PCDH11X: variants seen among roughly 807,000 people sequenced by gnomAD.
PCDH11X encodes the protein protocadherin-11 X-linked.
Under a neutral mutation model 53.3 loss-of-function variants are expected in PCDH11X, and 18 were observed. The ratio of observed to expected loss-of-function variants is 0.34; its 90% CI spans 0.23 to 0.50. The LOEUF (loss-of-function observed/expected upper bound fraction) is 0.50, where lower values mean the gene tolerates loss of function less well. Ranked by LOEUF, PCDH11X falls within the 20% of genes least tolerant of loss-of-function variation. PCDH11X has a pLI of 0.98. For missense variants in PCDH11X, 570 were observed against 1,032.4 expected, an observed-to-expected ratio of 0.55 and a Z score of 6.14; for synonymous variants, 279 against 393.3, an observed-to-expected ratio of 0.71 and a Z score of 3.44.
At chrX:92,206,080 A>G (rs1001589647) in intron 7 of PCDH11X, among the ~76,000 whole-genome samples, 11 of 111,759 alleles carry the variant, frequency 9.8e-5, no homozygotes, top group African/African-American at 3.6e-4. Context: ...TTTCTTGAAG[A>G]TCTTTTTAAA....
rs752786142 is a variant in PCDH11X, at chrX:92,524,858, G to T, written c.3367+56536G>T. ...AGTAATACCTAAAATTTAGTACAGG[G>T]CATGTGCTTGTGTCTCTAATCAGGA... On this transcript the variant is annotated intron_variant, in intron 10 of 10. Transcript: ENST00000682573. Among the ~76,000 whole-genome samples, 9 of 111,224 alleles carry T rather than the reference G, an allele frequency of 8.1e-5. No individual in the cohort carries two copies. In the East Asian group the frequency reaches 2.6e-3, roughly 32 times the overall value.
At chrX:92,410,632 A>G (rs759725789) in intron 9 of PCDH11X, among the ~76,000 whole-genome samples, 154 of 101,395 alleles carry the variant, frequency 1.5e-3, no homozygotes, top group African/African-American at 6.0e-3. Context: ...GATTATCATT[A>G]GTTTTTGCTG....
chrX:91,982,357 G>A (rs1005134988), intron 6 of PCDH11X, among the ~76,000 whole-genome samples: 100 of 108,830 alleles, frequency 9.2e-4, no homozygotes, highest in African/African-American at 1.4e-3. Flanking sequence ...CTTACAAAGC[G>A]CCTACATATT....
chrX:92,412,532 T>TAG (rs776550665), intron 9 of PCDH11X, among the ~76,000 whole-genome samples: 19 of 87,158 alleles, frequency 2.2e-4, no homozygotes, highest in Admixed American at 3.6e-4. Flanking sequence ...TATATATATA[T>TAG]ATATATATAT....
intron 6 of PCDH11X, among the ~76,000 whole-genome samples, chrX:92,122,208 C>T (rs925658517): frequency 6.1e-4 from 67 of 110,209 alleles, no homozygotes; most frequent in Non-Finnish European, 1.2e-3. Context: ...GTCTCGAACT[C>T]CTGACCTCAG....
intron 6 of PCDH11X, among the ~76,000 whole-genome samples, chrX:92,152,144 G>C (rs763841179): frequency 0.027 from 2,230 of 82,900 alleles, 65 homozygotes; most frequent in African/African-American, 0.075. Context: ...CATAAAAACA[G>C]TAAAAAAAGA....
intron 8 of PCDH11X, among the ~76,000 whole-genome samples, chrX:92,331,870 C>T (rs181595815): frequency 9.0e-6 from 1 of 111,463 alleles, no homozygotes; most frequent in Admixed American, 9.6e-5. Flanking sequence ...CTCAGTTTTT[C>T]TCAATTTATT....
At chrX:92,056,514 G>A (rs1285843217) in intron 6 of PCDH11X, among the ~76,000 whole-genome samples, 2 of 111,141 alleles carry the variant, frequency 1.8e-5, no homozygotes, top group African/African-American at 6.5e-5. Context: ...TTCTTTTGCT[G>A]TGTAAAAGCT....
intron 6 of PCDH11X, among the ~76,000 whole-genome samples, chrX:92,092,455 C>T (rs2064065009): frequency 9.0e-6 from 1 of 110,810 alleles, no homozygotes; most frequent in Non-Finnish European, 1.9e-5. Context: ...AAAACATGTT[C>T]CCAAGGTAGT....
intron 6 of PCDH11X, among the ~76,000 whole-genome samples, chrX:92,006,552 G>T (rs2062604132): frequency 9.0e-6 from 1 of 110,736 alleles, no homozygotes; most frequent in Admixed American, 9.6e-5. Context: ...CCTCAACACA[G>T]CTATTTTGAA....
intron 6 of PCDH11X, among the ~76,000 whole-genome samples, chrX:92,010,242 AAAAG>A (rs2062667323): frequency 9.1e-6 from 1 of 109,723 alleles, no homozygotes; most frequent in Non-Finnish European, 1.9e-5. Context: ...AATGCAAAGA[AAAAG>A]AAATATTTTT....
chrX:92,184,331 G>A (rs2066053030), intron 6 of PCDH11X, among the ~76,000 whole-genome samples: 1 of 111,869 alleles, frequency 8.9e-6, no homozygotes, highest in African/African-American at 3.3e-5. Flanking sequence ...AAAATGTTTT[G>A]CATCTACAAT....
At chrX:92,461,805 A>C (rs1181526370) in intron 9 of PCDH11X, among the ~76,000 whole-genome samples, 1 of 111,398 alleles carries the variant, frequency 9.0e-6, no homozygotes, top group Non-Finnish European at 1.9e-5. Context: ...TTTGTAAACT[A>C]CTCATCTGGC....
chrX:92,205,060 A>T (rs5984907), intron 7 of PCDH11X, among the ~76,000 whole-genome samples: 3,569 of 111,627 alleles, frequency 0.032, 145 homozygotes, highest in African/African-American at 0.11. Context: ...AGGGACACAG[A>T]GTCAAACCAT....
chrX:92,372,951 T>C (rs2070660361), intron 8 of PCDH11X, among the ~76,000 whole-genome samples: 1 of 111,503 alleles, frequency 9.0e-6, no homozygotes, highest in Non-Finnish European at 1.9e-5. Flanking sequence ...CTGACTCAAG[T>C]TGGTATGTCA....
At chrX:92,202,058 C>A (rs1008428104) in intron 7 of PCDH11X, among the ~76,000 whole-genome samples, 9 of 111,191 alleles carry the variant, frequency 8.1e-5, no homozygotes, top group Non-Finnish European at 1.7e-4. Context: ...TGGTAGAGGG[C>A]CAAGTGGGCA....
chrX:92,506,216 C>CTTTTCT (rs2074055476), intron 10 of PCDH11X, among the ~76,000 whole-genome samples: 3 of 40,207 alleles, frequency 7.5e-5, no homozygotes, highest in Non-Finnish European at 1.2e-4. Flanking sequence ...CTTTTCTTTT[C>CTTTTCT]TTTTTTTTTT....
intron 8 of PCDH11X, among the ~76,000 whole-genome samples, chrX:92,284,970 T>C (rs1454823743): frequency 9.0e-6 from 1 of 111,408 alleles, no homozygotes; most frequent in Non-Finnish European, 1.9e-5. Flanking sequence ...TGGAAGCCCA[T>C]AGACATTAAA....
intron 8 of PCDH11X, among the ~76,000 whole-genome samples, chrX:92,385,208 T>C (rs2070986254): frequency 1.0e-5 from 1 of 98,344 alleles, no homozygotes; most frequent in Admixed American, 1.1e-4. Context: ...TAAATATCTT[T>C]AGTACTAATA....
Sources: allele counts gnomAD v4.1 joint callset (sites outside exome capture counted in the v4.1 genomes callset), GRCh38; gene constraint gnomAD v4.1.1; transcripts MANE v1.5; gene names NCBI Gene and HGNC (gene_info 2026-07-23, HGNC 2026-07-21).